The following SPG7 variants were observed in gnomAD, a reference collection of about 807,000 sequenced individuals.
The protein encoded by SPG7 is mitochondrial inner membrane m-AAA protease component paraplegin.
In SPG7, 103 loss-of-function variants were observed where a neutral mutation model predicts 81.9. That is an observed-to-expected ratio of 1.26 (90% confidence interval 1.07 to 1.48). SPG7 has a LOEUF of 1.48. Ranked by LOEUF, SPG7 falls within the 40% of genes most tolerant of loss-of-function variation. The probability of loss-of-function intolerance (pLI) is 0.00; values close to 1 mark genes in which losing one functional copy is unlikely to be tolerated. For missense variants in SPG7, 1,241 were observed against 1,087.3 expected, an observed-to-expected ratio of 1.14 and a Z score of -1.99; for synonymous variants, 534 against 444.2, an observed-to-expected ratio of 1.20 and a Z score of -2.54.
chr16:89,545,052 T>G (rs2058546355), intron 10 of SPG7: 5 of 489,848 alleles, frequency 1.0e-5, no homozygotes, highest in Admixed American at 6.6e-5. Context: ...TCTGTTCACC[T>G]GCTATTGGTT....
At chr16:89,535,725 TG>T (rs1264079754) in intron 9 of SPG7, among the ~76,000 whole-genome samples, 1 of 152,232 alleles carries the variant, frequency 6.6e-6, no homozygotes, top group African/African-American at 2.4e-5. Context: ...CTGGGAGAGC[TG>T]CCCTGTACCT....
In SPG7 at chr16:89,556,997, C is replaced by G; in HGVS notation, c.2292C>G (p.Ile764Met). The change falls in exon 17 of 17, where the codon ATC (isoleucine) becomes ATG (methionine). Residue 764 changes from isoleucine to methionine, a missense_variant. Transcript: ENST00000645818. ...PKKMIAPQRWIDAQREKQDLG... is the reference protein window; with the variant it reads ...PKKMIAPQRWMDAQREKQDLG... Reference sequence around the variant, plus strand: ...AAATGATCGCACCGCAGAGGTGGATCGACGCCCAGAGGGAGAAACAGGACT... The same window carrying G: ...AAATGATCGCACCGCAGAGGTGGATGGACGCCCAGAGGGAGAAACAGGACT... 1 of 1,613,880 alleles carries G rather than the reference C, an allele frequency of 6.2e-7. No individual in the cohort carries two copies. Among genetic ancestry groups the G allele is most frequent in the Non-Finnish European group, 8.5e-7 (1 of 1,179,994 alleles).
At chr16:89,524,591 G>A (rs1023603076) in intron 4 of SPG7, among the ~76,000 whole-genome samples, 44 of 152,208 alleles carry the variant, frequency 2.9e-4, no homozygotes, top group African/African-American at 9.6e-4. Context: ...TTACAGGCGT[G>A]CACCACAACG....
In SPG7 at chr16:89,508,413, C is replaced by G. The variant is rs1001701410; in HGVS notation, c.-5C>G. On this transcript the variant is annotated 5_prime_UTR_variant, in exon 1 of 17. Transcript: ENST00000645818. ...GGATCACGCAGGCGCGGCTTTCAGG[C>G]CAACATGGCCGTGCTGCTGCTGCTG... 3.4e-5 allele frequency: 50 copies of G among 1,482,604 alleles called. No homozygotes were observed. The highest frequency in any genetic ancestry group is 4.5e-5 in the Non-Finnish European group (50 of 1,123,104). The allele number at this position is 1,482,604 out of a possible 1,614,324, so 91.8% of individuals were successfully genotyped here.
chr16:89,546,207 C>G (rs1190296826), intron 10 of SPG7: 7 of 309,838 alleles, frequency 2.3e-5, no homozygotes, highest in Non-Finnish European at 3.8e-5. Context: ...CCGCCTCAGC[C>G]TCCCGAGTAG....
chr16:89,509,707 A>T (rs187924957), intron 1 of SPG7, among the ~76,000 whole-genome samples: 281 of 151,196 alleles, frequency 1.9e-3, no homozygotes, highest in Non-Finnish European at 3.1e-3. Flanking sequence ...GCCTTTGGAG[A>T]GCTGGGCTGC....
chr16:89,544,120 C>G (rs1266116442), intron 9 of SPG7: 2 of 203,208 alleles, frequency 9.8e-6, no homozygotes, highest in African/African-American at 2.3e-5. Flanking sequence ...TTATTCACAT[C>G]AAGGGCCAGT....
At chr16:89,546,604 T>G in intron 10 of SPG7, 54 bp from the exon 11 acceptor site, 67 of 1,064,180 alleles carry the variant, frequency 6.3e-5, no homozygotes, top group Non-Finnish European at 8.0e-5. Context: ...ATGCCGCACC[T>G]GTGGCAGTAA....
chr16:89,553,716 T>C (rs1182907547), intron 14 of SPG7, 78 bp from the exon 15 acceptor site: 8 of 1,459,916 alleles, frequency 5.5e-6, no homozygotes, highest in Middle Eastern at 1.8e-4. Flanking sequence ...CTCAGTGCTC[T>C]GACCGGGACA....
At position 89,513,044 on chromosome 16, in the gene SPG7, T is replaced by G; in HGVS notation, c.376+7T>G. The G allele has an allele frequency of 2.5e-6, 4 of 1,599,796 alleles. No homozygotes were observed. The highest frequency in any genetic ancestry group is 3.4e-6 in the Non-Finnish European group (4 of 1,171,816). Reference sequence around the variant, plus strand: ...GCGCCTGAAGAGGACGAAGGTATATTCATCTGATGTTCTTCAGTCAGTAGC... The same window carrying G: ...GCGCCTGAAGAGGACGAAGGTATATGCATCTGATGTTCTTCAGTCAGTAGC... On this transcript the variant is annotated splice_region_variant and intron_variant, in intron 3 of 16. Coordinates refer to ENST00000645818, the MANE Select transcript of SPG7 (RefSeq NM_003119.4).
chr16:89,529,626 T>G, intron 6 of SPG7, 47 bp downstream of exon 6: 1 of 1,379,742 alleles, frequency 7.2e-7, no homozygotes, highest in Non-Finnish European at 1.0e-6. Flanking sequence ...TGGTTTGTGT[T>G]TGCTGAATAC....
intron 7 of SPG7, 98 bp from the exon 8 acceptor site, chr16:89,531,806 T>C (rs2058346041): frequency 1.6e-6 from 2 of 1,243,706 alleles, no homozygotes; most frequent in Admixed American, 3.6e-5. Context: ...TGGCACCCAC[T>C]GCACTCCAGC....
chr16:89,508,934 A>G (rs2057973022), intron 1 of SPG7: 1 of 528,908 alleles, frequency 1.9e-6, no homozygotes, highest in Non-Finnish European at 3.6e-6. Flanking sequence ...GCACTAATTT[A>G]CAGTCCACGC....
intron 3 of SPG7, among the ~76,000 whole-genome samples, chr16:89,515,935 C>A (rs982373939): frequency 6.6e-6 from 1 of 151,356 alleles, no homozygotes. Context: ...TCTCAAACTC[C>A]CGATGTCAGG....
rs1330508489 is a variant in SPG7 at position 89,537,114 on chromosome 16, T to C, written c.1324+4478T>C. On this transcript the variant is annotated intron_variant, in intron 9 of 16. Coordinates refer to ENST00000645818, the MANE Select transcript of SPG7 (RefSeq NM_003119.4). Reference sequence around the variant, plus strand: ...CTTTATGCAGAGCCACAGCTGTGCATGCTCAGCCCTGCCGAGGTCCCAGGC... The same window carrying C: ...CTTTATGCAGAGCCACAGCTGTGCACGCTCAGCCCTGCCGAGGTCCCAGGC... 4.7e-6 allele frequency: 7 copies of C among 1,488,960 alleles called. No individual in the cohort carries two copies. The East Asian group carries it at 9.9e-5, about 21-fold the overall frequency. The allele number at this position is 1,488,960 out of a possible 1,614,324, so 92.2% of individuals were successfully genotyped here. A position where few individuals can be genotyped will look rare whatever the true frequency, so the allele number is the denominator to read the frequency against.
chr16:89,546,678 G>A lies in SPG7; in HGVS notation c.1470G>A (p.Glu490=). Residue 490 remains glutamate (E), a synonymous_variant, in exon 11 of 17, where the codon GAG becomes GAA. Transcript: ENST00000645818. ...PTLQERREIF[E]QHLKSLKLTQ... is the part of the protein sequence containing the mutation. The stretch of plus-strand genomic sequence containing the variant: ...GGCAGGAGAGGCGGGAGATTTTTGA[G>A]CAGCACCTGAAGAGCCTGAAGCTGA... The A allele has an allele frequency of 6.2e-7, 1 of 1,613,378 alleles. No homozygotes were observed. The highest frequency in any genetic ancestry group is 8.5e-7 in the Non-Finnish European group (1 of 1,179,504).
At position 89,557,029 on chromosome 16, in the gene SPG7, A is replaced by T; in HGVS notation, c.2324A>T (p.Glu775Val). 6.2e-7 allele frequency: 1 copy of T among 1,613,200 alleles called. No individual in the cohort carries two copies. Among genetic ancestry groups the T allele is most frequent in the Non-Finnish European group, 8.5e-7 (1 of 1,180,018 alleles). The change falls in exon 17 of 17, where the codon GAG (glutamate) becomes GTG (valine). Residue 775 changes from glutamate to valine, a missense_variant. By Grantham distance (121) the Glu-to-Val change is moderately radical. Coordinates refer to ENST00000645818, the MANE Select transcript of SPG7 (RefSeq NM_003119.4). ...DAQREKQDLG[E>V]EETEETQQPP... is the part of the protein sequence containing the mutation. ...CAGAGGGAGAAACAGGACTTGGGCGAGGAGGAGACCGAAGAGACCCAGCAG... is the reference window on the plus strand; with the variant it reads ...CAGAGGGAGAAACAGGACTTGGGCGTGGAGGAGACCGAAGAGACCCAGCAG...
chr16:89,549,011 G>A (rs967038871), intron 12 of SPG7: 2 of 456,104 alleles, frequency 4.4e-6, no homozygotes, highest in Admixed American at 4.7e-5. Flanking sequence ...GAAAGCAGTG[G>A]GTTCCTGCAG....
chr16:89,549,346 A>T (rs780671042), intron 12 of SPG7: 39 of 406,850 alleles, frequency 9.6e-5, no homozygotes, highest in South Asian at 6.8e-4. Flanking sequence ...AGTAAGCTGA[A>T]CAGGGGAGAT....
Sources: allele counts gnomAD v4.1 joint callset (sites outside exome capture counted in the v4.1 genomes callset), GRCh38; gene constraint gnomAD v4.1.1; transcripts MANE v1.5; gene names NCBI Gene and HGNC (gene_info 2026-07-23, HGNC 2026-07-21).